The following TMPRSS3 variants were observed in gnomAD, a reference collection of about 807,000 sequenced individuals.
TMPRSS3 encodes transmembrane serine protease 3, also known as transmembrane protease serine 3.
A neutral mutation model predicts 59.6 loss-of-function variants in TMPRSS3; 55 were observed. The ratio of observed to expected loss-of-function variants is 0.92; its 90% CI spans 0.74 to 1.16. The LOEUF is 1.16. Among genes scored for constraint, TMPRSS3 ranks in the 50% most tolerant of loss-of-function variants. The probability of loss-of-function intolerance (pLI) is 0.00; values close to 1 mark genes in which losing one functional copy is unlikely to be tolerated. For missense variants in TMPRSS3, 596 were observed against 579.4 expected, an observed-to-expected ratio of 1.03 and a Z score of -0.29; for synonymous variants, 257 against 237.7, an observed-to-expected ratio of 1.08 and a Z score of -0.75.
In TMPRSS3 at chr21:42,380,180, C is replaced by T. The variant is rs1169073172; in HGVS notation, c.985G>A (p.Glu329Lys). Reference protein sequence around the residue: ...MIQPVCLPNSEENFPDGKVCW... With the variant: ...MIQPVCLPNSKENFPDGKVCW... ...ACTTTTCCATCGGGGAAGTTCTCTT[C>T]AGAGTTGGGCAGGCACACAGGCTGG... The change falls in exon 10 of 13, where the codon GAA (glutamate) becomes AAA (lysine). Residue 329 changes from glutamate (E) to lysine (K), a missense_variant. Glu to Lys is a moderately conservative substitution (Grantham distance 56, BLOSUM62 1). Coordinates refer to ENST00000644384, the MANE Select transcript of TMPRSS3 (RefSeq NM_001256317.3). 6.2e-7 allele frequency: 1 copy of T among 1,614,050 alleles called. No homozygotes were observed. Among genetic ancestry groups the T allele is most frequent in the African/African-American group, 1.3e-5 (1 of 74,918 alleles).
At chr21:42,377,209 C>T (rs749878899) in intron 10 of TMPRSS3, among the ~76,000 whole-genome samples, 6 of 152,202 alleles carry the variant, frequency 3.9e-5, no homozygotes, top group Admixed American at 3.3e-4. Context: ...AGGGACAGGC[C>T]TTGAGTGGGG....
intron 1 of TMPRSS3, 23 bp downstream of exon 1, chr21:42,395,919 G>A (rs367759318): frequency 7.7e-6 from 4 of 518,280 alleles, no homozygotes; most frequent in African/African-American, 1.9e-5. Flanking sequence ...CCTACCATAA[G>A]CATAAGTAGT....
chr21:42,387,356 C>T (rs1308226073), intron 5 of TMPRSS3, among the ~76,000 whole-genome samples: 1 of 131,960 alleles, frequency 7.6e-6, no homozygotes, highest in South Asian at 2.5e-4. Flanking sequence ...AATGGGGAAG[C>T]TCTCAGCTGT....
intron 6 of TMPRSS3, among the ~76,000 whole-genome samples, chr21:42,384,259 G>A (rs537931991): frequency 6.6e-6 from 1 of 151,952 alleles, no homozygotes; most frequent in South Asian, 2.1e-4. Flanking sequence ...GTATTTCTAA[G>A]CTTTAGATAG....
At chr21:42,376,765 G>A (rs930097107) in intron 10 of TMPRSS3, 82 bp from the exon 11 acceptor site, 166 of 1,600,920 alleles carry the variant, frequency 1.0e-4, no homozygotes, top group Non-Finnish European at 1.3e-4. Flanking sequence ...GACCAGGGGG[G>A]TGAGGGAACG....
intron 12 of TMPRSS3, among the ~76,000 whole-genome samples, chr21:42,374,262 G>A (rs2052383082): frequency 6.6e-6 from 1 of 152,208 alleles, no homozygotes; most frequent in South Asian, 2.1e-4. Flanking sequence ...GTGAGCAGGA[G>A]CAAGCACTTT....
chr21:42,380,321 G>T, intron 9 of TMPRSS3, 109 bp from the exon 10 acceptor site: 1 of 885,696 alleles, frequency 1.1e-6, no homozygotes, highest in Non-Finnish European at 1.8e-6. Flanking sequence ...CCCAAGGGAA[G>T]GAAGGTCAAG....
At chr21:42,395,011 C>T (rs2052783664) in intron 2 of TMPRSS3, among the ~76,000 whole-genome samples, 1 of 152,206 alleles carries the variant, frequency 6.6e-6, no homozygotes, top group Admixed American at 6.5e-5. Flanking sequence ...CTGGAGGACT[C>T]AGAGATTTCC....
rs543212073 is a variant in TMPRSS3 at position 42,375,974 on chromosome 21, C to A, written c.1192-106G>T. 5.1e-5 allele frequency: 74 copies of A among 1,464,598 alleles called. No homozygotes were observed. In the African/African-American group the frequency reaches 9.3e-4, roughly 18 times the overall value. 90.7% of individuals were successfully genotyped at this position (1,464,598 alleles called of 1,614,324 possible). The stretch of plus-strand genomic sequence containing the variant: ...AGGCTGCTTGCTATGGAGTTGGGAC[C>A]CCCCTTCATGATGTCCCAATGGATG... On this transcript the variant is annotated intron_variant, in intron 11 of 12. Transcript: ENST00000644384.
intron 12 of TMPRSS3, among the ~76,000 whole-genome samples, chr21:42,374,946 T>C (rs118003243): frequency 0.042 from 6,363 of 151,948 alleles, 183 homozygotes; most frequent in Non-Finnish European, 0.068. Context: ...TAAGATCCCA[T>C]CAACCGTATT....
In TMPRSS3 at chr21:42,388,882, T is replaced by C; in HGVS notation, c.322+47A>G. ...ACAGATGGGAAGGGTCAGGGTTGGC[T>C]TCTGCTGCTTCCTTCTGTTTCCCCA... On this transcript the variant is annotated intron_variant, in intron 4 of 12. Coordinates refer to ENST00000644384, the MANE Select transcript of TMPRSS3 (RefSeq NM_001256317.3). This position sits in a 1 kb window ranked among gnomAD's most constrained non-coding sequence, Gnocchi z 5.1. 3 of 1,545,936 alleles carry C rather than the reference T, an allele frequency of 1.9e-6. No individual in the cohort carries two copies. The highest frequency in any genetic ancestry group is 2.7e-6 in the Non-Finnish European group (3 of 1,118,630).
At chr21:42,393,630 C>T (rs2052762101) in intron 2 of TMPRSS3, among the ~76,000 whole-genome samples, 1 of 152,110 alleles carries the variant, frequency 6.6e-6, no homozygotes, top group Non-Finnish European at 1.5e-5. Flanking sequence ...TAATGGAATA[C>T]CTATAGGAGG....
At chr21:42,382,795 T>G in intron 8 of TMPRSS3, 1 of 593,156 alleles carries the variant, frequency 1.7e-6, no homozygotes, top group South Asian at 1.9e-5. Flanking sequence ...TCCTTCCTCT[T>G]CTGTCTGCCC....
At chr21:42,376,903 G>A (rs373365200) in intron 10 of TMPRSS3, among the ~76,000 whole-genome samples, 6 of 152,262 alleles carry the variant, frequency 3.9e-5, no homozygotes, top group African/African-American at 1.2e-4. Flanking sequence ...ACGAGTGGCC[G>A]CAAGGGGCCA....
At position 42,395,470 on chromosome 21, in the gene TMPRSS3, T is replaced by C; in HGVS notation, c.-51-2A>G. Reference sequence around the variant, plus strand: ...CGGCTCCGCCTCCACCTCTACCTCCTTAGCCGAGGAAGAACAGAAAGCATT... The same window carrying C: ...CGGCTCCGCCTCCACCTCTACCTCCCTAGCCGAGGAAGAACAGAAAGCATT... On this transcript the variant is annotated splice_acceptor_variant, in intron 1 of 12. Coordinates refer to ENST00000644384, the MANE Select transcript of TMPRSS3 (RefSeq NM_001256317.3). LOFTEE classifies it low-confidence loss of function (5UTR_SPLICE). 1 of 1,451,068 alleles carries C rather than the reference T, an allele frequency of 6.9e-7. No individual in the cohort carries two copies. The highest frequency in any genetic ancestry group is 9.7e-7 in the Non-Finnish European group (1 of 1,032,674). The allele number at this position is 1,451,068 out of a possible 1,614,324, so 89.9% of individuals were successfully genotyped here. A position where few individuals can be genotyped will look rare whatever the true frequency, so the allele number is the denominator to read the frequency against.
chr21:42,376,553 C>T lies in TMPRSS3; in HGVS notation c.1179G>A (p.Val393=). The T allele has an allele frequency of 6.2e-7, 1 of 1,613,442 alleles. No homozygotes were observed. Among genetic ancestry groups the T allele is most frequent in the South Asian group, 1.1e-5 (1 of 91,070 alleles). The change falls in exon 11 of 13, where the codon GTG becomes GTA. Residue 393 remains valine, a synonymous_variant. Coordinates refer to ENST00000644384, the MANE Select transcript of TMPRSS3 (RefSeq NM_001256317.3). The part of the protein sequence containing the change: ...MLCAGYLTGG[V]DSCQGDSGGP... Reference sequence around the variant, plus strand: ...TGCGGCCCCGTACCTGGCAGCTGTCCACGCCACCCGTCAGGTAGCCCGCGC... The same window carrying T: ...TGCGGCCCCGTACCTGGCAGCTGTCTACGCCACCCGTCAGGTAGCCCGCGC...
intron 2 of TMPRSS3, among the ~76,000 whole-genome samples, chr21:42,390,876 A>G (rs1178160126): frequency 6.6e-6 from 1 of 152,234 alleles, no homozygotes; most frequent in Non-Finnish European, 1.5e-5. Flanking sequence ...AGAAATGCCA[A>G]AGATTATTGG....
At chr21:42,386,019 G>A (rs538010835) in intron 5 of TMPRSS3, among the ~76,000 whole-genome samples, 1 of 152,292 alleles carries the variant, frequency 6.6e-6, no homozygotes, top group Admixed American at 6.5e-5. Context: ...CCAGCGCAGA[G>A]CCCCACTGGA....
intron 2 of TMPRSS3, chr21:42,390,408 T>G: frequency 3.6e-6 from 1 of 280,116 alleles, no homozygotes; most frequent in South Asian, 3.9e-5. Context: ...TGGGCCCTAA[T>G]CCAACGTGGC....
Sources: gnomAD v4.1 joint callset for allele counts (sites outside exome capture counted in the v4.1 genomes callset) on GRCh38, gnomAD v4.1.1 for gene constraint, Gnocchi (gnomAD v3.1) non-coding constraint, MANE v1.5 for transcripts, NCBI Gene and HGNC (gene_info 2026-07-23, HGNC 2026-07-21) for gene names.